The following PCDHA4 variants were observed in gnomAD, a reference collection of about 807,000 sequenced individuals.
PCDHA4 encodes protocadherin alpha-4.
A neutral mutation model predicts 61.4 loss-of-function variants in PCDHA4; 49 were observed. The ratio of observed to expected loss-of-function variants is 0.80; its 90% CI spans 0.63 to 1.01. The LOEUF is 1.01. Among genes scored for constraint, PCDHA4 ranks in the 50% least tolerant of loss-of-function variants. The probability of loss-of-function intolerance (pLI) is 0.00; values close to 1 mark genes in which losing one functional copy is unlikely to be tolerated. For synonymous variants in PCDHA4, 590 were observed against 550.3 expected, an observed-to-expected ratio of 1.07 and a Z score of -1.01; for missense variants, 1,254 against 1,235.8, an observed-to-expected ratio of 1.01 and a Z score of -0.22.
chr5:140,836,190 T>G, intron 1 of PCDHA4: 1 of 1,613,826 alleles, frequency 6.2e-7, no homozygotes, highest in East Asian at 2.2e-5. Flanking sequence ...TGACTCAGGC[T>G]ACAACGCGTG....
At chr5:140,980,623 T>C (rs1554242045) in intron 2 of PCDHA4, among the ~76,000 whole-genome samples, 1 of 152,102 alleles carries the variant, frequency 6.6e-6, no homozygotes, top group African/African-American at 2.4e-5. Flanking sequence ...TGCGAGACTC[T>C]GTCTCAGAAG....
intron 1 of PCDHA4, among the ~76,000 whole-genome samples, chr5:140,905,749 C>T (rs1442006265): frequency 6.6e-6 from 1 of 152,162 alleles, no homozygotes; most frequent in Non-Finnish European, 1.5e-5. Flanking sequence ...AGATCTTTCA[C>T]CTCCTTGGTT....
rs782406571 is a variant in PCDHA4 at position 140,876,145 on chromosome 5, T to C, written c.2385+66573T>C. 1.9e-6 allele frequency: 3 copies of C among 1,613,788 alleles called. No homozygotes were observed. The East Asian group carries it at 6.7e-5, about 36-fold the overall frequency. ...TGGCGGTAAACCAGAACTAACAGGG[T>C]CTGTCCAGATTCAAATAACCGTCCT... On this transcript the variant is annotated intron_variant, in intron 1 of 3. Coordinates refer to ENST00000530339, the MANE Select transcript of PCDHA4 (RefSeq NM_018907.4).
intron 1 of PCDHA4, chr5:140,841,773 G>T (rs1292935559): frequency 6.2e-7 from 1 of 1,613,894 alleles, no homozygotes; most frequent in Admixed American, 1.7e-5. Flanking sequence ...CCAGACTCTC[G>T]GTTTCCGCTA....
chr5:140,928,293 G>GT (rs2085123670), intron 1 of PCDHA4: 1 of 1,614,032 alleles, frequency 6.2e-7, no homozygotes, highest in South Asian at 1.1e-5. Context: ...TAGGCCGAGT[G>GT]TTTGCCCAGG....
intron 1 of PCDHA4, among the ~76,000 whole-genome samples, chr5:140,942,619 T>TA (rs35075175): frequency 5.6e-4 from 83 of 148,996 alleles, no homozygotes; most frequent in Non-Finnish European, 6.7e-4. Flanking sequence ...TTGCCAATTG[T>TA]AAAAAAAAAA....
Position 140,838,427 on chromosome 5 carries a change from A to T in PCDHA4, c.2385+28855A>T, listed in dbSNP as rs1775725974. The stretch of plus-strand genomic sequence containing the variant: ...GAGTGAGCCACCGCATCCGGCCTAA[A>T]TTATATATTGGGTTTTGTGGCATAT... On this transcript the variant is annotated intron_variant, in intron 1 of 3. Coordinates refer to ENST00000530339, the MANE Select transcript of PCDHA4 (RefSeq NM_018907.4). Among the ~76,000 whole-genome samples the T allele has an allele frequency of 2.0e-5, 3 of 151,540 alleles. No individual in the cohort carries two copies. The South Asian group carries it at 6.2e-4, about 32-fold the overall frequency.
At chr5:140,811,423 G>T (rs954337823) in intron 1 of PCDHA4, 22 of 152,276 alleles carry the variant, frequency 1.4e-4, no homozygotes, top group Admixed American at 6.5e-4. Context: ...GGACATTTGG[G>T]TTGGTTCCAA....
At chr5:140,882,767 G>GC in intron 1 of PCDHA4, 1 of 1,614,176 alleles carries the variant, frequency 6.2e-7, no homozygotes, top group Non-Finnish European at 8.5e-7. Context: ...AGTAAACTCG[G>GC]CATTGACCTA....
intron 1 of PCDHA4, chr5:140,829,142 G>A (rs2150162942): frequency 1.2e-6 from 2 of 1,613,390 alleles, no homozygotes; most frequent in South Asian, 1.1e-5. Flanking sequence ...CCCTGAGATA[G>A]CACTGACTTC....
intron 1 of PCDHA4, among the ~76,000 whole-genome samples, chr5:140,933,965 T>A (rs1400091615): frequency 2.6e-5 from 4 of 152,064 alleles, no homozygotes; most frequent in Non-Finnish European, 5.9e-5. Flanking sequence ...GTAGTGATGT[T>A]TCCCTTTTCA....
At chr5:140,883,240 C>G in intron 1 of PCDHA4, 1 of 1,613,998 alleles carries the variant, frequency 6.2e-7, no homozygotes, top group Non-Finnish European at 8.5e-7. Context: ...AGGCAGTTGA[C>G]AAAGGAAATA....
At chr5:140,886,507 G>A (rs2061007189) in intron 1 of PCDHA4, among the ~76,000 whole-genome samples, 1 of 151,788 alleles carries the variant, frequency 6.6e-6, no homozygotes, top group South Asian at 2.1e-4. Context: ...TCCTTTTATG[G>A]ATTTTAAGGT....
At chr5:140,828,252 T>A in intron 1 of PCDHA4, 1 of 1,613,980 alleles carries the variant, frequency 6.2e-7, no homozygotes, top group Non-Finnish European at 8.5e-7. Context: ...GACCTGGGGC[T>A]GGAGCTGGCG....
chr5:140,974,328 C>G (rs2096623040), intron 1 of PCDHA4, among the ~76,000 whole-genome samples: 1 of 152,198 alleles, frequency 6.6e-6, no homozygotes, highest in Admixed American at 6.5e-5. Flanking sequence ...AGCTGCTGTG[C>G]TAGCAGGCTA....
intron 1 of PCDHA4, chr5:140,876,899 C>A (rs781884794): frequency 5.0e-6 from 8 of 1,613,974 alleles, no homozygotes; most frequent in Non-Finnish European, 6.8e-6. Context: ...CACATCTTCA[C>A]GGTGTCGGCA....
chr5:140,883,071 A>T, intron 1 of PCDHA4: 1 of 1,614,116 alleles, frequency 6.2e-7, no homozygotes, highest in Non-Finnish European at 8.5e-7. Context: ...AATGCCACAG[A>T]TCCTGATGAT....
At chr5:140,835,996 G>A (rs782367355) in intron 1 of PCDHA4, 2 of 1,613,272 alleles carry the variant, frequency 1.2e-6, no homozygotes, top group South Asian at 1.1e-5. Flanking sequence ...GTGAGCGCGC[G>A]CGATGCGGGC....
rs548266069 is a variant in PCDHA4 at position 140,886,217 on chromosome 5, T to G, written c.2385+76645T>G. Among the ~76,000 whole-genome samples, 388 of 152,238 alleles carry G rather than the reference T, an allele frequency of 2.5e-3. 1 individual carries two copies. Among genetic ancestry groups the G allele is most frequent in the African/African-American group, 9.1e-3 (377 of 41,582 alleles). Reference sequence around the variant, plus strand: ...GTAATCTGTTCTCCATTTCTCTAATTTTGTTACTTTTACTTCAGAAATAAA... The same window carrying G: ...GTAATCTGTTCTCCATTTCTCTAATGTTGTTACTTTTACTTCAGAAATAAA... On this transcript the variant is annotated intron_variant, in intron 1 of 3. Coordinates refer to ENST00000530339, the MANE Select transcript of PCDHA4 (RefSeq NM_018907.4).
Sources: allele counts gnomAD v4.1 joint callset (sites outside exome capture counted in the v4.1 genomes callset), GRCh38; gene constraint gnomAD v4.1.1; transcripts MANE v1.5; gene names NCBI Gene and HGNC (gene_info 2026-07-23, HGNC 2026-07-21).